Variants in CADPS observed in about 807,000 individuals in gnomAD.
The protein encoded by CADPS is calcium-dependent secretion activator 1.
A neutral mutation model predicts 167.3 loss-of-function variants in CADPS; 57 were observed. The observed-to-expected ratio is 0.34, with a 90% CI of 0.28 to 0.42. The LOEUF (loss-of-function observed/expected upper bound fraction) is 0.42. Ranked by LOEUF, CADPS falls within the 20% of genes least tolerant of loss-of-function variation. The probability of loss-of-function intolerance (pLI) is 1.00; values close to 1 mark genes in which losing one functional copy is unlikely to be tolerated. For synonymous variants in CADPS, 676 were observed against 635.3 expected (o/e 1.06, Z -0.96); for missense variants, 1,414 against 1,738.1 (o/e 0.81, Z 3.32).
rs1178433741 is a variant in CADPS at position 62,465,329 on chromosome 3, A to G, written c.3636+38T>C. Reference sequence around the variant, plus strand: ...CTCTCCCAAGCCGAAACCAAAAATTAAAACAAAAGCCAGGAAATAAAGAAG... The same window carrying G: ...CTCTCCCAAGCCGAAACCAAAAATTGAAACAAAAGCCAGGAAATAAAGAAG... On this transcript the variant is annotated intron_variant, in intron 26 of 29. Transcript: ENST00000383710. The surrounding 1 kb of genome is among the most constrained non-coding windows in gnomAD (Gnocchi z 4.1). 2 of 1,512,616 alleles carry G rather than the reference A, an allele frequency of 1.3e-6. No homozygotes were observed. The highest frequency in any genetic ancestry group is 2.8e-5 in the African/African-American group (2 of 71,290). The allele number at this position is 1,512,616 out of a possible 1,614,324, so 93.7% of individuals were successfully genotyped here.
At chr3:62,533,268 T>G (rs895685792) in intron 12 of CADPS, among the ~76,000 whole-genome samples, 9 of 152,228 alleles carry the variant, frequency 5.9e-5, no homozygotes, top group Admixed American at 4.6e-4. Context: ...ATCCCTGTTA[T>G]AAAGATGGAA....
chr3:62,752,866 C>A (rs1056980981), intron 3 of CADPS, among the ~76,000 whole-genome samples: 3 of 152,208 alleles, frequency 2.0e-5, no homozygotes, highest in Non-Finnish European at 4.4e-5. Context: ...ATATGAGATA[C>A]CTCGCTTCCC....
chr3:62,421,781 G>A lies in CADPS; in HGVS notation c.3777+16323C>T, dbSNP rs1452419429. Among the ~76,000 whole-genome samples the A allele has an allele frequency of 6.6e-6, 1 of 152,190 alleles. No individual in the cohort carries two copies. The highest frequency in any genetic ancestry group is 2.4e-5 in the African/African-American group (1 of 41,464). On this transcript the variant is annotated intron_variant, in intron 28 of 29. Coordinates refer to ENST00000383710, the MANE Select transcript of CADPS (RefSeq NM_003716.4). This position sits in a 1 kb window ranked among gnomAD's most constrained non-coding sequence, Gnocchi z 4.7. ...CATTTGGAGTTCTTTCCTAGGGATGGAGGGATGCCCCGGGTCTGGGTTTTT... is the reference window on the plus strand; with the variant it reads ...CATTTGGAGTTCTTTCCTAGGGATGAAGGGATGCCCCGGGTCTGGGTTTTT...
intron 29 of CADPS, among the ~76,000 whole-genome samples, chr3:62,402,358 A>G (rs1026311788): frequency 6.6e-6 from 1 of 151,950 alleles, no homozygotes; most frequent in African/African-American, 2.4e-5. Context: ...TTTGAATGAG[A>G]TTTTTGCATA....
At chr3:62,599,699 T>TG (rs1355557054) in intron 6 of CADPS, among the ~76,000 whole-genome samples, 1 of 44,634 alleles carries the variant, frequency 2.2e-5, no homozygotes, top group Non-Finnish European at 3.7e-5. Context: ...TATTATAATA[T>TG]ATATATTATA....
Position 62,778,573 on chromosome 3 carries a change from G to A in CADPS, c.442-12589C>T, listed in dbSNP as rs977833972. Among the ~76,000 whole-genome samples, 3 of 152,034 alleles carry A rather than the reference G, an allele frequency of 2.0e-5. No individual in the cohort carries two copies. The South Asian group carries it at 6.2e-4, about 32-fold the overall frequency. Reference sequence around the variant, plus strand: ...GACTCTTGGTATTTATTATATGATTGATATACAGCATGAACTTTAATGTCT... The same window carrying A: ...GACTCTTGGTATTTATTATATGATTAATATACAGCATGAACTTTAATGTCT... On this transcript the variant is annotated intron_variant, in intron 1 of 29. Transcript: ENST00000383710.
chr3:62,413,367 C>T (rs923180900), intron 28 of CADPS, among the ~76,000 whole-genome samples: 1 of 152,128 alleles, frequency 6.6e-6, no homozygotes, highest in East Asian at 1.9e-4. Flanking sequence ...AAGGTAGAAG[C>T]AACCCAAGTG....
rs1007319779 is a variant in CADPS at position 62,458,189 on chromosome 3, A to G, written c.3636+7178T>C. 2.6e-5 allele frequency among the ~76,000 whole-genome samples: 4 copies of G among 152,166 alleles called. No homozygotes were observed. Among genetic ancestry groups the G allele is most frequent in the East Asian group, 1.9e-4 (1 of 5,188 alleles). The stretch of plus-strand genomic sequence containing the variant: ...GCTATTTATGGAGCACCTACTAACT[A>G]TATACCAGGTGTTATGAAAGGGCTA... On this transcript the variant is annotated intron_variant, in intron 26 of 29. Transcript: ENST00000383710. The surrounding 1 kb of genome is among the most constrained non-coding windows in gnomAD (Gnocchi z 4.6).
At chr3:62,624,034 C>G (rs1396452267) in intron 6 of CADPS, among the ~76,000 whole-genome samples, 2 of 151,844 alleles carry the variant, frequency 1.3e-5, no homozygotes, top group Non-Finnish European at 2.9e-5. Context: ...TCCTTTTATG[C>G]CATTTGAGAG....
intron 7 of CADPS, among the ~76,000 whole-genome samples, chr3:62,590,138 G>A (rs863852): frequency 0.77 from 115,448 of 150,608 alleles, 44,419 homozygotes; most frequent in Middle Eastern, 0.81. Flanking sequence ...GCAGCAAGCC[G>A]AGATCACGCC....
At chr3:62,516,808 T>C (rs2069101478) in intron 14 of CADPS, among the ~76,000 whole-genome samples, 165 bp from the exon 15 acceptor site, 1 of 152,150 alleles carries the variant, frequency 6.6e-6, no homozygotes, top group African/African-American at 2.4e-5. Flanking sequence ...TGTGTGTATA[T>C]AATGTATATA....
At chr3:62,801,536 T>G (rs2093762830) in intron 1 of CADPS, among the ~76,000 whole-genome samples, 1 of 152,196 alleles carries the variant, frequency 6.6e-6, no homozygotes, top group Admixed American at 6.5e-5. Flanking sequence ...GTGACTTTCC[T>G]GTTGTGCTGT....
intron 22 of CADPS, among the ~76,000 whole-genome samples, chr3:62,480,993 T>C (rs2061937719): frequency 1.3e-5 from 2 of 152,184 alleles, no homozygotes; most frequent in African/African-American, 4.8e-5. Context: ...CTGACATTCA[T>C]GTGGATGAGT....
At chr3:62,532,081 C>T (rs1207890476) in intron 13 of CADPS, among the ~76,000 whole-genome samples, 1 of 152,178 alleles carries the variant, frequency 6.6e-6, no homozygotes, top group East Asian at 1.9e-4. Flanking sequence ...TCCAGCTTCA[C>T]CTAGCTTGCT....
chr3:62,498,344 T>C (rs978942907), intron 18 of CADPS, among the ~76,000 whole-genome samples: 1 of 152,150 alleles, frequency 6.6e-6, no homozygotes, highest in African/African-American at 2.4e-5. Flanking sequence ...GGAAATGTCA[T>C]TTTTCCCCTT....
chr3:62,658,375 G>A (rs2072266912), intron 4 of CADPS, among the ~76,000 whole-genome samples: 2 of 152,136 alleles, frequency 1.3e-5, no homozygotes, highest in Non-Finnish European at 2.9e-5. Flanking sequence ...CCTGAGTAAA[G>A]GGCATAATGG....
chr3:62,625,956 T>A (rs2064002726), intron 6 of CADPS: 1 of 151,124 alleles, frequency 6.6e-6, no homozygotes, highest in South Asian at 2.1e-4. Context: ...TATTTTTTAA[T>A]CATTCGCATC....
At chr3:62,509,529 G>C (rs564742173) in intron 17 of CADPS, among the ~76,000 whole-genome samples, 1 of 152,118 alleles carries the variant, frequency 6.6e-6, no homozygotes, top group African/African-American at 2.4e-5. Context: ...TAGATCTGTA[G>C]GAAATTTGCC....
intron 3 of CADPS, among the ~76,000 whole-genome samples, chr3:62,697,881 G>T (rs566581422): frequency 2.0e-5 from 3 of 151,914 alleles, no homozygotes; most frequent in Non-Finnish European, 2.9e-5. Flanking sequence ...TTTCATGTTT[G>T]TTGGCCATTT....
Sources: allele counts gnomAD v4.1 joint callset (sites outside exome capture counted in the v4.1 genomes callset), GRCh38; gene constraint gnomAD v4.1.1; non-coding constraint Gnocchi (gnomAD v3.1); transcripts MANE v1.5; gene names NCBI Gene and HGNC (gene_info 2026-07-23, HGNC 2026-07-21).